Variants in ITSN2 observed in about 807,000 individuals in gnomAD.
ITSN2 encodes the protein intersectin-2.
In ITSN2, 156 loss-of-function variants were observed where a neutral mutation model predicts 243.7. The observed-to-expected ratio is 0.64, with a 90% confidence interval of 0.56 to 0.73. The LOEUF (loss-of-function observed/expected upper bound fraction) is 0.73. Among genes scored for constraint, ITSN2 ranks in the 30% least tolerant of loss-of-function variants. The probability of loss-of-function intolerance (pLI) is 0.00; values close to 1 mark genes in which losing one functional copy is unlikely to be tolerated. For synonymous variants in ITSN2, 703 were observed against 699.9 expected, an observed-to-expected ratio of 1.00 and a Z score of -0.07; for missense variants, 1,801 against 1,996.1, an observed-to-expected ratio of 0.90 and a Z score of 1.86.
rs1162775989 is a variant in ITSN2 at position 24,254,365 on chromosome 2, A to C, written c.2953+2T>G. 11 of 1,608,584 alleles carry C rather than the reference A, an allele frequency of 6.8e-6. No homozygotes were observed. The Admixed American group carries it at 1.8e-4, about 27-fold the overall frequency. ...CTAATTTACAAATTGCCAAAAGCTT[A>C]CCTTCTCCAACTGAATAGGCTGCCG... On this transcript the variant is annotated splice_donor_variant, in intron 24 of 39. Coordinates refer to ENST00000355123, the MANE Select transcript of ITSN2 (RefSeq NM_006277.3). LOFTEE classifies it high-confidence loss of function.
chr2:24,208,775 G>A (rs531389838), intron 36 of ITSN2, among the ~76,000 whole-genome samples: 158 of 152,358 alleles, frequency 1.0e-3, no homozygotes, highest in African/African-American at 3.7e-3. Context: ...GTGGCCCAAG[G>A]AGGCCTCGGA....
chr2:24,221,213 A>G, intron 29 of ITSN2, 147 bp from the exon 30 acceptor site: 1 of 797,966 alleles, frequency 1.3e-6, no homozygotes, highest in Non-Finnish European at 2.0e-6. Flanking sequence ...TCTGCAGAGC[A>G]GCATGCGTAC....
At chr2:24,339,470 CAAAA>C (rs56081206) in intron 1 of ITSN2, among the ~76,000 whole-genome samples, 2 of 79,624 alleles carry the variant, frequency 2.5e-5, no homozygotes, top group Admixed American at 1.5e-4. Flanking sequence ...GACGCCGTCT[CAAAA>C]AAAAAAAAAA....
intron 17 of ITSN2, among the ~76,000 whole-genome samples, chr2:24,282,631 C>T (rs1003337859): frequency 2.0e-5 from 3 of 152,142 alleles, no homozygotes; most frequent in Admixed American, 2.0e-4. Context: ...TGTAAACATT[C>T]ACCCCTAGAC....
chr2:24,345,364 C>T (rs1242869397), intron 1 of ITSN2, among the ~76,000 whole-genome samples: 1 of 152,152 alleles, frequency 6.6e-6, no homozygotes, highest in Non-Finnish European at 1.5e-5. Flanking sequence ...TATTACCTCA[C>T]TCACAGTACC....
At chr2:24,343,591 A>T (rs1687257334) in intron 1 of ITSN2, among the ~76,000 whole-genome samples, 1 of 152,202 alleles carries the variant, frequency 6.6e-6, no homozygotes, top group Non-Finnish European at 1.5e-5. Flanking sequence ...GCTTCCAAAG[A>T]TAAATTCTAG....
rs117969663 is a variant in ITSN2, at chr2:24,214,251, T to G, written c.3991-1503A>C. 257 of 152,378 alleles carry G rather than the reference T, an allele frequency of 1.7e-3. 7 individuals are homozygous for G. In the East Asian group the frequency reaches 0.044, roughly 26 times the overall value. 9.4% of individuals were successfully genotyped at this position (152,378 alleles called of 1,614,324 possible). A position where few individuals can be genotyped will look rare whatever the true frequency, so the allele number is the denominator to read the frequency against. On this transcript the variant is annotated intron_variant, in intron 32 of 39. Coordinates refer to ENST00000355123, the MANE Select transcript of ITSN2 (RefSeq NM_006277.3). ...TGTATTTGTAAATGATAGTGGGTTT[T>G]AACTTAAACAGGCCTTGGAATCATG...
rs572499542 is a variant in ITSN2, at chr2:24,225,186, C to T, written c.3578-4120G>A. Among the ~76,000 whole-genome samples the T allele has an allele frequency of 1.3e-5, 2 of 152,152 alleles. No homozygotes were observed. Among genetic ancestry groups the T allele is most frequent in the African/African-American group, 4.8e-5 (2 of 41,432 alleles). On this transcript the variant is annotated intron_variant, in intron 29 of 39. Coordinates refer to ENST00000355123, the MANE Select transcript of ITSN2 (RefSeq NM_006277.3). This position sits in a 1 kb window ranked among gnomAD's most constrained non-coding sequence, Gnocchi z 4.2. Reference sequence around the variant, plus strand: ...CCTTCACGCTTCTATGTTCACTCTTCGCCATTTCCTTCTTAGCCCATAAAC... The same window carrying T: ...CCTTCACGCTTCTATGTTCACTCTTTGCCATTTCCTTCTTAGCCCATAAAC...
chr2:24,228,438 C>G (rs1002913901), intron 29 of ITSN2, among the ~76,000 whole-genome samples: 2 of 152,094 alleles, frequency 1.3e-5, no homozygotes, highest in African/African-American at 4.8e-5. Flanking sequence ...TGTAAGAAAT[C>G]AAAATAATCA....
chr2:24,238,729 G>A (rs938490219), intron 29 of ITSN2, among the ~76,000 whole-genome samples: 6 of 152,086 alleles, frequency 3.9e-5, no homozygotes, highest in African/African-American at 1.4e-4. Context: ...AGATACATAT[G>A]ATTATCTCCA....
chr2:24,308,104 T>A (rs1304773698), intron 8 of ITSN2, among the ~76,000 whole-genome samples: 2 of 152,228 alleles, frequency 1.3e-5, no homozygotes, highest in African/African-American at 4.8e-5. Context: ...TCTCAATTAG[T>A]ACAGTTCAGA....
chr2:24,317,364 G>C (rs139412748), intron 2 of ITSN2, among the ~76,000 whole-genome samples: 1 of 148,848 alleles, frequency 6.7e-6, no homozygotes, highest in Non-Finnish European at 1.5e-5. Flanking sequence ...AGCCTGCGCC[G>C]ACAAGGGCAA....
Position 24,299,951 on chromosome 2 carries a change from T to C in ITSN2, c.1302A>G (p.Arg434=). ...CTTTTCTCCTTTCTTCCTCTCGTTG[T>C]CTCTCCAATTCCCGTTGCTTCTCTA... The part of the protein sequence containing the change: ...KRLEKQRELE[R]QREEERRKDI... The change falls in exon 12 of 40, where the codon AGA becomes AGG. Residue 434 remains arginine (R), a synonymous_variant. Transcript: ENST00000355123. The C allele has an allele frequency of 6.2e-7, 1 of 1,613,252 alleles. No individual in the cohort carries two copies. The highest frequency in any genetic ancestry group is 1.7e-5 in the Admixed American group (1 of 59,876).
chr2:24,212,502 G>C, intron 33 of ITSN2, 148 bp downstream of exon 33: 1 of 589,670 alleles, frequency 1.7e-6, no homozygotes, highest in Non-Finnish European at 3.0e-6. Flanking sequence ...CAGGCATCTG[G>C]TCCCCGGGAC....
rs139389348 is a variant in ITSN2, at chr2:24,208,294, C to G, written c.4621G>C (p.Ala1541Pro). ...GTGTCGATGTACTGCTCAGACGCCG[C>G]CTTGATCTTCTGCACCCAGGCGGTC... ...ERTAWVQKIK[A>P]ASEQYIDTEK... Residue 1541 changes from alanine to proline, a missense_variant, in exon 37 of 40, where the codon GCG (alanine) becomes CCG (proline). By Grantham distance (27) the Ala-to-Pro change is conservative (BLOSUM62 -1). Coordinates refer to ENST00000355123, the MANE Select transcript of ITSN2 (RefSeq NM_006277.3). 3.0e-5 allele frequency: 49 copies of G among 1,612,426 alleles called. No homozygotes were observed. The highest frequency in any genetic ancestry group is 3.8e-5 in the Non-Finnish European group (45 of 1,179,876).
chr2:24,285,502 C>T (rs1679383449), intron 16 of ITSN2, among the ~76,000 whole-genome samples: 1 of 152,186 alleles, frequency 6.6e-6, no homozygotes, highest in African/African-American at 2.4e-5. Context: ...TTATTTCTTA[C>T]AGAGAATAGC....
intron 5 of ITSN2, among the ~76,000 whole-genome samples, chr2:24,311,845 T>A (rs1030561694): frequency 1.3e-5 from 2 of 152,208 alleles, no homozygotes; most frequent in African/African-American, 4.8e-5. Context: ...AGTTTAAAAC[T>A]GCTCAAAATT....
chr2:24,220,795 G>A, intron 30 of ITSN2, 150 bp downstream of exon 30: 1 of 1,433,584 alleles, frequency 7.0e-7, no homozygotes. Flanking sequence ...TTTGGAGGAT[G>A]TGAGAGCTTC....
At chr2:24,323,454 T>A (rs1684808336) in intron 2 of ITSN2, among the ~76,000 whole-genome samples, 1 of 152,198 alleles carries the variant, frequency 6.6e-6, no homozygotes, top group African/African-American at 2.4e-5. Context: ...GATATTTTGC[T>A]AAGTCACAGA....
Sources: allele counts gnomAD v4.1 joint callset (sites outside exome capture counted in the v4.1 genomes callset), GRCh38; gene constraint gnomAD v4.1.1; non-coding constraint Gnocchi (gnomAD v3.1); transcripts MANE v1.5; gene names NCBI Gene and HGNC (gene_info 2026-07-23, HGNC 2026-07-21).